The following PDE1A variants were observed in gnomAD, a reference collection of about 807,000 sequenced individuals.
The protein encoded by PDE1A is dual specificity calcium/calmodulin-dependent 3',5'-cyclic nucleotide phosphodiesterase 1A.
A neutral mutation model predicts 61.7 loss-of-function variants in PDE1A; 35 were observed. The ratio of observed to expected loss-of-function variants is 0.57; its 90% CI spans 0.43 to 0.75. The LOEUF (loss-of-function observed/expected upper bound fraction) is 0.75, where lower values mean the gene tolerates loss of function less well. Ranked by LOEUF, PDE1A falls within the 30% of genes least tolerant of loss-of-function variation. The pLI, the probability that PDE1A is intolerant of heterozygous loss-of-function variation, is 0.00. For missense variants in PDE1A, 597 were observed against 630.6 expected, an observed-to-expected ratio of 0.95 and a Z score of 0.57; for synonymous variants, 232 against 213.2, an observed-to-expected ratio of 1.09 and a Z score of -0.77.
chr2:182,574,638 T>G, the PDE1A span, among the ~76,000 whole-genome samples: 1 of 152,108 alleles, frequency 6.6e-6, no homozygotes, highest in Non-Finnish European at 1.5e-5. Context: ...CACAAACATG[T>G]TTTTAACAAA....
the PDE1A span, among the ~76,000 whole-genome samples, chr2:182,623,122 C>A: frequency 6.6e-6 from 1 of 152,098 alleles, no homozygotes; most frequent in Non-Finnish European, 1.5e-5. Context: ...AAGTTGACAT[C>A]TGTAAATGCT....
the PDE1A span, among the ~76,000 whole-genome samples, chr2:182,626,762 CAT>C: frequency 1.8e-4 from 2 of 10,812 alleles, 1 homozygote; most frequent in African/African-American, 5.5e-4. Flanking sequence ...TATATATATA[CAT>C]ATATATACAT....
intron 7 of PDE1A, among the ~76,000 whole-genome samples, chr2:182,219,887 G>C (rs754533070): frequency 6.6e-6 from 1 of 151,984 alleles, no homozygotes; most frequent in Non-Finnish European, 1.5e-5. Context: ...ATCTTATCAT[G>C]TTATATACCA....
At chr2:182,227,617 T>G (rs986509389) in intron 6 of PDE1A, among the ~76,000 whole-genome samples, 8 of 152,084 alleles carry the variant, frequency 5.3e-5, no homozygotes, top group African/African-American at 1.9e-4. Context: ...GCCTTGCAAA[T>G]GTTTTATTTA....
At chr2:182,270,669 AAATCCATACTAAGAATCAG>A (rs1692952339) in intron 1 of PDE1A, among the ~76,000 whole-genome samples, 1 of 151,166 alleles carries the variant, frequency 6.6e-6, no homozygotes. Context: ...TGGTTGTAAG[AAATCCATACTAAGAATCAG>A]AAGAGCTAAA....
At chr2:182,652,955 CATT>C in the PDE1A span, among the ~76,000 whole-genome samples, 74 of 152,318 alleles carry the variant, frequency 4.9e-4, no homozygotes, top group African/African-American at 1.6e-3. Context: ...TCTGGTTCAT[CATT>C]GTCACCAGAC....
chr2:182,327,407 T>C (rs1351476254), intron 1 of PDE1A, among the ~76,000 whole-genome samples: 4 of 152,148 alleles, frequency 2.6e-5, no homozygotes, highest in African/African-American at 9.7e-5. Flanking sequence ...ATCCCTCAAA[T>C]AGGAATATGC....
At chr2:182,361,015 T>A (rs2125166682) in intron 1 of PDE1A, among the ~76,000 whole-genome samples, 1 of 152,162 alleles carries the variant, frequency 6.6e-6, no homozygotes, top group South Asian at 2.1e-4. Context: ...CATTTAGTCC[T>A]CCAACAACTT....
At chr2:182,264,326 C>T (rs149743969) in exon 2 of PDE1A, 1 of 1,612,310 alleles carries the variant, frequency 6.2e-7, no homozygotes, top group Non-Finnish European at 8.5e-7. Flanking sequence ...TAAACTGCTT[C>T]CAGCACAGAT....
the PDE1A span, among the ~76,000 whole-genome samples, chr2:182,698,763 G>A: frequency 1.3e-5 from 2 of 151,948 alleles, no homozygotes. Flanking sequence ...TTAAAGCCCA[G>A]AGACATTTGC....
At chr2:182,615,684 A>G in the PDE1A span, among the ~76,000 whole-genome samples, 3 of 152,196 alleles carry the variant, frequency 2.0e-5, no homozygotes, top group South Asian at 2.1e-4. Flanking sequence ...GGGAAGCTCA[A>G]TATCAAGGGT....
At chr2:182,266,593 C>A (rs542191767) in intron 1 of PDE1A, among the ~76,000 whole-genome samples, 1 of 152,098 alleles carries the variant, frequency 6.6e-6, no homozygotes, top group Non-Finnish European at 1.5e-5. Context: ...TATTTGTTAG[C>A]GATTTTCCCA....
chr2:182,558,987 C>T, the PDE1A span, among the ~76,000 whole-genome samples: 1 of 152,138 alleles, frequency 6.6e-6, no homozygotes, highest in African/African-American at 2.4e-5. Flanking sequence ...AATATCAAAG[C>T]CTAAGCCTAA....
chr2:182,185,718 T>G, intron 13 of PDE1A, 174 bp downstream of exon 13: 2 of 1,273,446 alleles, frequency 1.6e-6, no homozygotes, highest in Non-Finnish European at 2.1e-6. Flanking sequence ...AACCTCTTTT[T>G]ATCTAATAAA....
chr2:182,219,158 T>G (rs1032572579), intron 7 of PDE1A, among the ~76,000 whole-genome samples: 1 of 152,088 alleles, frequency 6.6e-6, no homozygotes, highest in Non-Finnish European at 1.5e-5. Context: ...AAAATTAAGA[T>G]AGAAAAGTCG....
intron 2 of PDE1A, among the ~76,000 whole-genome samples, chr2:182,486,221 T>C (rs1338537023): frequency 6.6e-6 from 1 of 152,012 alleles, no homozygotes; most frequent in Non-Finnish European, 1.5e-5. Context: ...TCAAAAAGTG[T>C]AAAATTCTTA....
At chr2:182,426,535 T>C (rs370081213) in intron 1 of PDE1A, 43 bp downstream of exon 1, 1 of 1,316,218 alleles carries the variant, frequency 7.6e-7, no homozygotes, top group South Asian at 1.2e-5. Flanking sequence ...GAAACTATTG[T>C]TCCTGACAGC....
At chr2:182,223,568 A>G (rs1333016201) in intron 7 of PDE1A, among the ~76,000 whole-genome samples, 2 of 151,998 alleles carry the variant, frequency 1.3e-5, no homozygotes, top group Non-Finnish European at 2.9e-5. Flanking sequence ...GCCTCAGTGA[A>G]TAGATGTCTG....
intron 2 of PDE1A, among the ~76,000 whole-genome samples, chr2:182,496,673 G>C (rs1297033994): frequency 6.6e-6 from 1 of 152,250 alleles, no homozygotes; most frequent in Non-Finnish European, 1.5e-5. Flanking sequence ...TGACAAACAA[G>C]GTCATGAGAC....
Sources: allele counts gnomAD v4.1 joint callset (sites outside exome capture counted in the v4.1 genomes callset), GRCh38; gene constraint gnomAD v4.1.1; transcripts MANE v1.5; gene names NCBI Gene and HGNC (gene_info 2026-07-23, HGNC 2026-07-21).